Variants in CALML4 observed in about 807,000 individuals in gnomAD.
CALML4 encodes calmodulin-like protein 4.
In CALML4, 16 loss-of-function variants were observed where a neutral mutation model predicts 17.9. The observed-to-expected ratio is 0.89, with a 90% CI of 0.61 to 1.36. The LOEUF is 1.36. Ranked by LOEUF, CALML4 falls within the 40% of genes most tolerant of loss-of-function variation. The probability of loss-of-function intolerance (pLI) is 0.00; values close to 1 mark genes in which losing one functional copy is unlikely to be tolerated. For missense variants in CALML4, 203 were observed against 194.8 expected (o/e 1.04, Z -0.25); for synonymous variants, 86 against 71.5 (o/e 1.20, Z -1.02).
rs749808641 is a variant in CALML4, at chr15:68,205,315, G to C, written c.-68C>G. The C allele has an allele frequency of 1.1e-5, 18 of 1,614,096 alleles. 1 individual carries two copies. Among genetic ancestry groups the C allele is most frequent in the Non-Finnish European group, 1.4e-5 (16 of 1,180,022 alleles). On this transcript the variant is annotated 5_prime_UTR_variant, in exon 1 of 5. Transcript: ENST00000467889. The surrounding 1 kb of genome is among the most constrained non-coding windows in gnomAD (Gnocchi z 4.8). ...ACCGCGTTCAGTTCCCTTTCCTCCA[G>C]CCTCAAGTCTAAAGTCTGCCAAGCT...
At chr15:68,195,577 C>G (rs1375596951) in intron 4 of CALML4, among the ~76,000 whole-genome samples, 2 of 152,180 alleles carry the variant, frequency 1.3e-5, no homozygotes, top group Non-Finnish European at 2.9e-5. Flanking sequence ...CTCCATCTCA[C>G]TTCAAAGACC....
chr15:68,205,074 G>T lies in CALML4; in HGVS notation c.34+47C>A, dbSNP rs1222017831. 2 of 1,603,744 alleles carry T rather than the reference G, an allele frequency of 1.2e-6. No individual in the cohort carries two copies. Among genetic ancestry groups the T allele is most frequent in the East Asian group, 2.2e-5 (1 of 44,798 alleles). The stretch of plus-strand genomic sequence containing the variant: ...ATGAGCAGAGCAAATTGCCTAATGA[G>T]ACCCATATTTTGCTGAGTTGCTAAT... On this transcript the variant is annotated intron_variant, in intron 2 of 4. Coordinates refer to ENST00000467889, the MANE Select transcript of CALML4 (RefSeq NM_033429.3). The surrounding 1 kb of genome is among the most constrained non-coding windows in gnomAD (Gnocchi z 4.8).
At chr15:68,196,330 AGGGACC>A (rs1282369596) in intron 4 of CALML4, among the ~76,000 whole-genome samples, 2 of 152,206 alleles carry the variant, frequency 1.3e-5, no homozygotes, top group African/African-American at 4.8e-5. Flanking sequence ...GGTAGCTCAG[AGGGACC>A]TGAGGGGTCA....
Position 68,196,845 on chromosome 15 carries a change from C to T in CALML4, c.364+595G>A, listed in dbSNP as rs553095528. ...GGGGCTCTGGAACCAGGAACCCTGCCTGTCTCGGCAGTTCTCCAACTGTCC... is the reference window on the plus strand; with the variant it reads ...GGGGCTCTGGAACCAGGAACCCTGCTTGTCTCGGCAGTTCTCCAACTGTCC... On this transcript the variant is annotated intron_variant, in intron 4 of 4. Transcript: ENST00000467889. Among the ~76,000 whole-genome samples the T allele has an allele frequency of 6.6e-5, 10 of 152,338 alleles. No individual in the cohort carries two copies. The East Asian group carries it at 1.9e-3, about 29-fold the overall frequency.
chr15:68,202,797 C>T lies in CALML4; in HGVS notation c.34+2324G>A, dbSNP rs75933314. On this transcript the variant is annotated intron_variant, in intron 2 of 4. Coordinates refer to ENST00000467889, the MANE Select transcript of CALML4 (RefSeq NM_033429.3). ...AAGCTGGGATTATAGGCATGTGCCA[C>T]CATGACCGGCTTTTTTTTTTTTTTT... is the stretch of plus-strand genomic sequence containing the variant. Among the ~76,000 whole-genome samples the T allele has an allele frequency of 2.8e-3, 418 of 148,312 alleles. 1 individual carries two copies. Among genetic ancestry groups the T allele is most frequent in the African/African-American group, 9.7e-3 (383 of 39,604 alleles).
In CALML4 at chr15:68,197,323, C is replaced by T. The variant is rs538653218; in HGVS notation, c.364+117G>A. ...TGTGGCATCTGCTCACAGTCTCCTGCGCGCGCATCAACAGAGGTGGTCTGT... is the reference window on the plus strand; with the variant it reads ...TGTGGCATCTGCTCACAGTCTCCTGTGCGCGCATCAACAGAGGTGGTCTGT... On this transcript the variant is annotated intron_variant, in intron 4 of 4. Coordinates refer to ENST00000467889, the MANE Select transcript of CALML4 (RefSeq NM_033429.3). This position sits in a 1 kb window ranked among gnomAD's most constrained non-coding sequence, Gnocchi z 4.1. The T allele has an allele frequency of 3.9e-5, 35 of 904,566 alleles. No homozygotes were observed. Among genetic ancestry groups the T allele is most frequent in the South Asian group, 1.8e-4 (11 of 60,090 alleles). 56.0% of individuals were successfully genotyped at this position (904,566 alleles called of 1,614,324 possible). A position where few individuals can be genotyped will look rare whatever the true frequency, so the allele number is the denominator to read the frequency against.
chr15:68,205,773 G>A (rs547384528), upstream of CALML4: 15 of 211,902 alleles, frequency 7.1e-5, no homozygotes, highest in South Asian at 6.2e-4. This position sits in a 1 kb window ranked among gnomAD's most constrained non-coding sequence, Gnocchi z 4.8. Context: ...AGGGATACAA[G>A]CTTCGGTGCT....
At chr15:68,205,970 G>C (rs1234914352), upstream of CALML4, 1 of 155,542 alleles carries the variant, frequency 6.4e-6, no homozygotes, top group Admixed American at 6.2e-5. This position sits in a 1 kb window ranked among gnomAD's most constrained non-coding sequence, Gnocchi z 4.8. Context: ...GGACTTTAAG[G>C]GTGGTGGAGG....
chr15:68,202,048 A>G (rs2093166944), intron 2 of CALML4, among the ~76,000 whole-genome samples: 1 of 152,244 alleles, frequency 6.6e-6, no homozygotes, highest in African/African-American at 2.4e-5. Flanking sequence ...CAAAGAAGGG[A>G]CACAAACATT....
At chr15:68,196,457 T>C (rs1410611759) in intron 4 of CALML4, among the ~76,000 whole-genome samples, 1 of 152,208 alleles carries the variant, frequency 6.6e-6, no homozygotes, top group Non-Finnish European at 1.5e-5. Context: ...TATTGTGATT[T>C]AACCAGAGAC....
At chr15:68,202,216 A>C (rs1045932367) in intron 2 of CALML4, among the ~76,000 whole-genome samples, 16 of 152,278 alleles carry the variant, frequency 1.1e-4, no homozygotes, top group Admixed American at 1.0e-3. Flanking sequence ...AGCTCTGATC[A>C]TAAATGTACT....
upstream of CALML4, chr15:68,205,435 C>CCCG: frequency 6.2e-7 from 1 of 1,604,042 alleles, no homozygotes; most frequent in South Asian, 1.1e-5. The surrounding 1 kb of genome is among the most constrained non-coding windows in gnomAD (Gnocchi z 4.8). Flanking sequence ...CAGCTCATGA[C>CCCG]CCGCCACCTG....
chr15:68,205,366 T>C (rs939907200), upstream of CALML4: 20 of 1,613,800 alleles, frequency 1.2e-5, no homozygotes, highest in Non-Finnish European at 1.7e-5. The surrounding 1 kb of genome is among the most constrained non-coding windows in gnomAD (Gnocchi z 4.8). Flanking sequence ...TAATAAATGC[T>C]CGGCTGCCAT....
In CALML4 at chr15:68,204,801, T is replaced by C. The variant is rs2093176682; in HGVS notation, c.34+320A>G. On this transcript the variant is annotated intron_variant, in intron 2 of 4. Coordinates refer to ENST00000467889, the MANE Select transcript of CALML4 (RefSeq NM_033429.3). The surrounding 1 kb of genome is among the most constrained non-coding windows in gnomAD (Gnocchi z 6.0). ...TCTTTCCCTGCTGCCAGCCATACCT[T>C]TAATGGTCTCTCTCTCCATCCCCAG... 6.6e-6 allele frequency among the ~76,000 whole-genome samples: 1 copy of C among 152,088 alleles called. No individual in the cohort carries two copies.
chr15:68,203,664 T>C (rs1472484814), intron 2 of CALML4, among the ~76,000 whole-genome samples: 1 of 152,194 alleles, frequency 6.6e-6, no homozygotes, highest in Non-Finnish European at 1.5e-5. Context: ...GCGTCCAGCA[T>C]GTAACTGACA....
chr15:68,200,657 T>A lies in CALML4; in HGVS notation c.35-976A>T, dbSNP rs1486873768. On this transcript the variant is annotated intron_variant, in intron 2 of 4. Coordinates refer to ENST00000467889, the MANE Select transcript of CALML4 (RefSeq NM_033429.3). This position sits in a 1 kb window ranked among gnomAD's most constrained non-coding sequence, Gnocchi z 4.3. ...CAGACGAGGCACCCGGGCCTGTGGGTGGAGCCGTGGAAACACAGTGGCCTG... is the reference window on the plus strand; with the variant it reads ...CAGACGAGGCACCCGGGCCTGTGGGAGGAGCCGTGGAAACACAGTGGCCTG... 6.6e-6 allele frequency among the ~76,000 whole-genome samples: 1 copy of A among 151,708 alleles called. No homozygotes were observed. The highest frequency in any genetic ancestry group is 1.5e-5 in the Non-Finnish European group (1 of 67,910).
At chr15:68,205,498 A>G (rs2093180381), upstream of CALML4, 2 of 1,231,476 alleles carry the variant, frequency 1.6e-6, no homozygotes, top group Non-Finnish European at 2.3e-6. The surrounding 1 kb of genome is among the most constrained non-coding windows in gnomAD (Gnocchi z 4.8). Context: ...CCCTGGGCTC[A>G]GAGTCTCTGC....
rs1018615660 is a variant in CALML4, at chr15:68,197,066, C to G, written c.364+374G>C. On this transcript the variant is annotated intron_variant, in intron 4 of 4. Transcript: ENST00000467889. The surrounding 1 kb of genome is among the most constrained non-coding windows in gnomAD (Gnocchi z 4.1). Reference sequence around the variant, plus strand: ...GCTTGGGAGCCGCTCACTCCCCCTGCTTCTTTATCAGTAGGAGCAGGCATT... The same window carrying G: ...GCTTGGGAGCCGCTCACTCCCCCTGGTTCTTTATCAGTAGGAGCAGGCATT... 6.6e-6 allele frequency among the ~76,000 whole-genome samples: 1 copy of G among 152,188 alleles called. No homozygotes were observed. The highest frequency in any genetic ancestry group is 1.5e-5 in the Non-Finnish European group (1 of 68,018).
At position 68,194,025 on chromosome 15, in the gene CALML4, C is replaced by T. The variant is rs371825921; in HGVS notation, c.452G>A (p.Arg151Gln). ...TCCCATTCTCCTCCTTCAATAGTCCCGTCCAGGAAGGGTGATCTTGTGGAT... is the reference window on the plus strand; with the variant it reads ...TCCCATTCTCCTCCTTCAATAGTCCTGTCCAGGAAGGGTGATCTTGTGGAT... The part of the protein sequence containing the change: ...EFIHKITLPG[R>Q]DY The change falls in exon 5 of 5, where the codon CGG becomes CAG. Residue 151 changes from arginine (R) to glutamine (Q), a missense_variant. Arg to Gln is a conservative substitution (Grantham distance 43). Coordinates refer to ENST00000467889, the MANE Select transcript of CALML4 (RefSeq NM_033429.3). 8.7e-6 allele frequency: 14 copies of T among 1,612,776 alleles called. No individual in the cohort carries two copies. The East Asian group carries it at 1.6e-4, about 18-fold the overall frequency.
Sources: allele counts gnomAD v4.1 joint callset (sites outside exome capture counted in the v4.1 genomes callset), GRCh38; gene constraint gnomAD v4.1.1; non-coding constraint Gnocchi (gnomAD v3.1); transcripts MANE v1.5; gene names NCBI Gene and HGNC (gene_info 2026-07-23, HGNC 2026-07-21).